The following MLPH variants were observed in gnomAD, a reference collection of about 807,000 sequenced individuals.
MLPH encodes exophilin-3.
In MLPH, 51 loss-of-function variants were observed where a neutral mutation model predicts 72.1. The ratio of observed to expected loss-of-function variants is 0.71; its 90% CI spans 0.56 to 0.89. The LOEUF is 0.89. Ranked by LOEUF, MLPH falls within the 40% of genes least tolerant of loss-of-function variation. The probability of loss-of-function intolerance (pLI) is 0.00; values close to 1 mark genes in which losing one functional copy is unlikely to be tolerated. For synonymous variants in MLPH, 301 were observed against 310.1 expected (o/e 0.97, Z 0.31); for missense variants, 743 against 759.9 (o/e 0.98, Z 0.26).
rs556109307 is a variant in MLPH at position 237,513,125 on chromosome 2, G to A, written c.445+2024G>A. The stretch of plus-strand genomic sequence containing the variant: ...TTTAAAAAAAAAAAAAAAAAGGAGG[G>A]TAAAAAAGCTTAAGGTTAATGTTTT... On this transcript the variant is annotated intron_variant, in intron 4 of 15. Coordinates refer to ENST00000264605, the MANE Select transcript of MLPH (RefSeq NM_024101.7). Among the ~76,000 whole-genome samples, 203 of 151,964 alleles carry A rather than the reference G, an allele frequency of 1.3e-3. 2 individuals are homozygous for A. In the Middle Eastern group the frequency reaches 0.034, roughly 26 times the overall value.
intron 1 of MLPH, among the ~76,000 whole-genome samples, chr2:237,488,399 C>T (rs1259685666): frequency 6.6e-6 from 1 of 151,994 alleles, no homozygotes; most frequent in Non-Finnish European, 1.5e-5. Context: ...AGCTGGCCTG[C>T]ATCTGTCCTA....
intron 4 of MLPH, among the ~76,000 whole-genome samples, chr2:237,517,426 A>C (rs996782186): frequency 1.4e-5 from 2 of 140,134 alleles, no homozygotes; most frequent in Admixed American, 1.4e-4. Context: ...TGGGTGGGTG[A>C]GTGGATAGGT....
Position 237,510,916 on chromosome 2 carries a change from T to C in MLPH, c.333-73T>C, listed in dbSNP as rs1332432508. The C allele has an allele frequency of 1.3e-6, 2 of 1,498,026 alleles. No individual in the cohort carries two copies. The highest frequency in any genetic ancestry group is 4.5e-5 in the East Asian group (2 of 44,284). The allele number at this position is 1,498,026 out of a possible 1,614,324, so 92.8% of individuals were successfully genotyped here. ...GCACACACTCGTGTGTGTGTGTGTG[T>C]GTGTGTGTGAGATTTATGCAGGCCT... On this transcript the variant is annotated intron_variant, in intron 3 of 15. Transcript: ENST00000264605. This position sits in a 1 kb window ranked among gnomAD's most constrained non-coding sequence, Gnocchi z 4.4.
chr2:237,536,474 C>T (rs921222070), intron 9 of MLPH, among the ~76,000 whole-genome samples: 1 of 152,204 alleles, frequency 6.6e-6, no homozygotes, highest in Non-Finnish European at 1.5e-5. Flanking sequence ...GAGTGAGACT[C>T]GGCCCATCAC....
chr2:237,551,922 A>C (rs2081048031), intron 14 of MLPH: 1 of 171,180 alleles, frequency 5.8e-6, no homozygotes. Flanking sequence ...GGTTGCAGTT[A>C]AGCCAAGATT....
chr2:237,490,247 G>A (rs995948295), intron 1 of MLPH, among the ~76,000 whole-genome samples: 1 of 151,838 alleles, frequency 6.6e-6, no homozygotes, highest in Non-Finnish European at 1.5e-5. Context: ...TCACCTCCCT[G>A]AGCCCATGGA....
At chr2:237,511,262 GGCT>G (rs1214656444) in intron 4 of MLPH, 161 bp downstream of exon 4, 2 of 593,180 alleles carry the variant, frequency 3.4e-6, no homozygotes, top group Non-Finnish European at 5.9e-6. Context: ...TCCTGCTTCT[GGCT>G]GCTTTTTTTT....
At chr2:237,508,569 T>C (rs2079824724) in intron 2 of MLPH, among the ~76,000 whole-genome samples, 1 of 152,194 alleles carries the variant, frequency 6.6e-6, no homozygotes. Flanking sequence ...TCAGCATTAT[T>C]ACAAAAATAG....
At chr2:237,497,084 G>A (rs530908728) in intron 2 of MLPH, among the ~76,000 whole-genome samples, 4 of 152,272 alleles carry the variant, frequency 2.6e-5, no homozygotes, top group South Asian at 2.1e-4. Context: ...CCTCATTCTC[G>A]TTCTCATAAG....
intron 6 of MLPH, 91 bp downstream of exon 6, chr2:237,520,120 CA>C: frequency 6.4e-7 from 1 of 1,567,266 alleles, no homozygotes; most frequent in Admixed American, 1.7e-5. Context: ...ACTCTGGAAG[CA>C]GTGTCTGATG....
chr2:237,550,723 A>G (rs984292065), intron 14 of MLPH, among the ~76,000 whole-genome samples: 2 of 152,056 alleles, frequency 1.3e-5, no homozygotes, highest in Middle Eastern at 3.4e-3. Flanking sequence ...CTAATTTTGT[A>G]TCTTTAGTAG....
chr2:237,504,655 C>T (rs1157439737), intron 2 of MLPH, among the ~76,000 whole-genome samples: 4 of 152,194 alleles, frequency 2.6e-5, no homozygotes, highest in Admixed American at 6.5e-5. Context: ...TGGAGGCCGC[C>T]GGTTCTGTCC....
intron 6 of MLPH, among the ~76,000 whole-genome samples, chr2:237,524,511 C>T (rs1337338331): frequency 6.6e-6 from 1 of 151,904 alleles, no homozygotes; most frequent in African/African-American, 2.4e-5. Context: ...TGTCGCTTCA[C>T]GTTTTTCTGT....
At chr2:237,531,749 G>A (rs943819433) in intron 8 of MLPH, among the ~76,000 whole-genome samples, 10 of 152,106 alleles carry the variant, frequency 6.6e-5, no homozygotes, top group Non-Finnish European at 1.2e-4. Context: ...AAGCTTGACA[G>A]TGGCCACCCA....
intron 14 of MLPH, among the ~76,000 whole-genome samples, chr2:237,549,870 C>T (rs1398449668): frequency 1.3e-5 from 2 of 152,172 alleles, no homozygotes; most frequent in African/African-American, 2.4e-5. Flanking sequence ...GAGCTTTGCC[C>T]TCACACACAC....
chr2:237,534,840 C>T lies in MLPH; in HGVS notation c.1104+193C>T, dbSNP rs74970394. On this transcript the variant is annotated intron_variant, in intron 9 of 15. Transcript: ENST00000264605. ...CCTGAGTGAAGTCTTCTGTCCCATC[C>T]AGGCCTGCCACCACCTCTCATGCCC... 0.06 allele frequency among the ~76,000 whole-genome samples: 9,152 copies of T among 152,228 alleles called. 369 individuals carry two copies. The highest frequency in any genetic ancestry group is 0.095 in the Non-Finnish European group (6,461 of 68,018).
chr2:237,530,369 G>T (rs776217989), intron 8 of MLPH, among the ~76,000 whole-genome samples: 3 of 152,230 alleles, frequency 2.0e-5, no homozygotes, highest in Admixed American at 2.0e-4. Flanking sequence ...CCAGAGAAAT[G>T]ATCTACCAAA....
upstream of MLPH, chr2:237,487,181 C>G (rs1287074457): frequency 9.2e-5 from 14 of 152,262 alleles, no homozygotes; most frequent in Non-Finnish European, 1.6e-4. Context: ...CAGAGGTGTC[C>G]GCGCTCCCGG....
At position 237,546,642 on chromosome 2, in the gene MLPH, A is replaced by C. The variant is rs2080924211; in HGVS notation, c.1576A>C (p.Arg526=). Residue 526 remains arginine (R), a synonymous_variant, in exon 13 of 16, where the codon AGA becomes CGA. Coordinates refer to ENST00000264605, the MANE Select transcript of MLPH (RefSeq NM_024101.7). ...TCGAGTGGCTGGGAAACTTGGCAAG[A>C]GACCAGAGGACCCAAATGCAGACCC... ...LPRVAGKLGK[R]PEDPNADPSS... is the part of the protein sequence containing the mutation. 1.9e-6 allele frequency: 3 copies of C among 1,614,206 alleles called. No individual in the cohort carries two copies. Among genetic ancestry groups the C allele is most frequent in the Non-Finnish European group, 2.5e-6 (3 of 1,180,024 alleles).
Sources: gnomAD v4.1 joint callset for allele counts (sites outside exome capture counted in the v4.1 genomes callset) on GRCh38, gnomAD v4.1.1 for gene constraint, Gnocchi (gnomAD v3.1) non-coding constraint, MANE v1.5 for transcripts, NCBI Gene and HGNC (gene_info 2026-07-23, HGNC 2026-07-21) for gene names.